Variants in TTC27 observed in about 807,000 individuals in gnomAD.
TTC27 encodes the protein tetratricopeptide repeat domain 27.
Under a neutral mutation model 115.9 loss-of-function variants are expected in TTC27, and 79 were observed. The observed-to-expected ratio is 0.68, with a 90% confidence interval of 0.57 to 0.82. TTC27 has a LOEUF of 0.82. TTC27 is among the 40% of genes least tolerant of loss of function. TTC27 has a pLI of 0.00. For missense variants in TTC27, 1,054 were observed against 993.1 expected, an observed-to-expected ratio of 1.06 and a Z score of -0.82; for synonymous variants, 401 against 356.0, an observed-to-expected ratio of 1.13 and a Z score of -1.42.
chr2:32,779,461 C>A (rs898045476), intron 14 of TTC27, among the ~76,000 whole-genome samples: 1 of 152,206 alleles, frequency 6.6e-6, no homozygotes, highest in Non-Finnish European at 1.5e-5. Context: ...AATGTCTATT[C>A]ACATCCTTAC....
intron 12 of TTC27, 88 bp downstream of exon 12, chr2:32,736,904 G>C: frequency 1.3e-6 from 2 of 1,483,400 alleles, no homozygotes; most frequent in Non-Finnish European, 1.8e-6. Flanking sequence ...ACCCACTTTT[G>C]CCAATATTCA....
At chr2:32,644,351 CAAA>C (rs775944771) in intron 4 of TTC27, among the ~76,000 whole-genome samples, 2 of 113,484 alleles carry the variant, frequency 1.8e-5, no homozygotes, top group Admixed American at 9.0e-5. Flanking sequence ...ACTCTGTCTC[CAAA>C]AAAAAAAAAA....
intron 6 of TTC27, among the ~76,000 whole-genome samples, chr2:32,666,117 A>C (rs1421539463): frequency 1.3e-5 from 2 of 152,134 alleles, no homozygotes; most frequent in African/African-American, 4.8e-5. Flanking sequence ...GTGGTTTGAA[A>C]ACAGCTATTC....
At chr2:32,636,475 A>T (rs567738111) in intron 3 of TTC27, among the ~76,000 whole-genome samples, 2 of 152,098 alleles carry the variant, frequency 1.3e-5, no homozygotes, top group Non-Finnish European at 2.9e-5. Context: ...CGGCCTCCCA[A>T]AGTGTTAGGA....
chr2:32,644,796 C>G (rs1244968548), intron 4 of TTC27, among the ~76,000 whole-genome samples: 1 of 150,356 alleles, frequency 6.7e-6, no homozygotes, highest in African/African-American at 2.4e-5. Flanking sequence ...TTTACTATAT[C>G]ATTCTTTTTT....
chr2:32,782,441 C>G (rs887360010), intron 14 of TTC27, among the ~76,000 whole-genome samples, 185 bp from the exon 15 acceptor site: 2 of 152,048 alleles, frequency 1.3e-5, no homozygotes, highest in Non-Finnish European at 2.9e-5. Context: ...TTGTTTTAAC[C>G]TTTTTCTAAA....
intron 10 of TTC27, among the ~76,000 whole-genome samples, chr2:32,727,732 A>G (rs1300938283): frequency 6.6e-6 from 1 of 152,136 alleles, no homozygotes; most frequent in Non-Finnish European, 1.5e-5. Flanking sequence ...ACTCTTTTCA[A>G]GACTTTTTGT....
rs115463836 is a variant in TTC27, at chr2:32,636,656, C to G, written c.396+2651C>G. Among the ~76,000 whole-genome samples the G allele has an allele frequency of 9.6e-3, 1,466 of 152,232 alleles. 10 individuals are homozygous for G. The highest frequency in any genetic ancestry group is 0.027 in the Middle Eastern group (8 of 294). ...GAATCCACATTTTCTGGTTCCAAATCCAGTACTCTTCTATACTAGTGTAGA... is the reference window on the plus strand; with the variant it reads ...GAATCCACATTTTCTGGTTCCAAATGCAGTACTCTTCTATACTAGTGTAGA... On this transcript the variant is annotated intron_variant, in intron 3 of 19. Transcript: ENST00000317907.
intron 9 of TTC27, among the ~76,000 whole-genome samples, chr2:32,684,234 T>A (rs1028514148): frequency 2.2e-4 from 34 of 152,126 alleles, no homozygotes; most frequent in African/African-American, 8.2e-4. Flanking sequence ...TTCATCCATG[T>A]CCCTACAAAG....
At chr2:32,808,623 A>T (rs575626213) in intron 16 of TTC27, among the ~76,000 whole-genome samples, 1 of 152,208 alleles carries the variant, frequency 6.6e-6, no homozygotes, top group East Asian at 1.9e-4. Context: ...TACACAGAGG[A>T]GGCACAAATG....
At chr2:32,694,835 G>GT (rs796947543) in intron 9 of TTC27, among the ~76,000 whole-genome samples, 2,787 of 146,738 alleles carry the variant, frequency 0.019, 67 homozygotes, top group African/African-American at 0.066. Context: ...GCCACACCAG[G>GT]TTTTTTTTTT....
At chr2:32,674,917 C>G (rs765597335) in intron 8 of TTC27, among the ~76,000 whole-genome samples, 3 of 152,126 alleles carry the variant, frequency 2.0e-5, no homozygotes, top group Admixed American at 1.3e-4. Flanking sequence ...CCACCTCGGC[C>G]TCCCAAAGTG....
At chr2:32,732,235 C>T (rs1668315300) in intron 10 of TTC27, among the ~76,000 whole-genome samples, 1 of 152,172 alleles carries the variant, frequency 6.6e-6, no homozygotes, top group African/African-American at 2.4e-5. Flanking sequence ...CAGCAGCATG[C>T]AATCTTTTTG....
intron 10 of TTC27, among the ~76,000 whole-genome samples, chr2:32,704,345 C>T (rs1383913290): frequency 6.6e-6 from 1 of 152,044 alleles, no homozygotes; most frequent in African/African-American, 2.4e-5. Context: ...CACCACCATG[C>T]CCGGCTAATT....
At chr2:32,793,349 A>C (rs1214468643) in intron 16 of TTC27, among the ~76,000 whole-genome samples, 1 of 152,194 alleles carries the variant, frequency 6.6e-6, no homozygotes, top group Non-Finnish European at 1.5e-5. Context: ...AGATAAACAA[A>C]AGTTAAGGAA....
chr2:32,806,597 G>A (rs1325160706), intron 16 of TTC27, among the ~76,000 whole-genome samples: 2 of 152,000 alleles, frequency 1.3e-5, no homozygotes, highest in East Asian at 1.9e-4. Context: ...TGGCTAACAC[G>A]GTGAAACCCC....
At chr2:32,653,233 C>A (rs1665195046) in intron 5 of TTC27, among the ~76,000 whole-genome samples, 1 of 152,188 alleles carries the variant, frequency 6.6e-6, no homozygotes, top group East Asian at 1.9e-4. Flanking sequence ...ACTTTGTCAT[C>A]AAGTCCTGCT....
chr2:32,699,557 G>T (rs1192199074), intron 9 of TTC27, among the ~76,000 whole-genome samples: 1 of 152,142 alleles, frequency 6.6e-6, no homozygotes, highest in African/African-American at 2.4e-5. Context: ...AGTCAATAGA[G>T]CTTCATAAAC....
At chr2:32,806,637 C>T (rs1671137626) in intron 16 of TTC27, among the ~76,000 whole-genome samples, 1 of 152,040 alleles carries the variant, frequency 6.6e-6, no homozygotes, top group African/African-American at 2.4e-5. Context: ...AAAAAATTAG[C>T]CGGGCATGGT....
Sources: allele counts gnomAD v4.1 joint callset (sites outside exome capture counted in the v4.1 genomes callset), GRCh38; gene constraint gnomAD v4.1.1; transcripts MANE v1.5; gene names NCBI Gene and HGNC (gene_info 2026-07-23, HGNC 2026-07-21).